ATP12A: variants seen among roughly 807,000 people sequenced by gnomAD.
ATP12A encodes potassium-transporting ATPase alpha chain 2.
ATP12A carries 81 observed loss-of-function variants against 111.2 expected under a neutral mutation model. The observed-to-expected ratio is 0.73, with a 90% CI of 0.61 to 0.88. The LOEUF (loss-of-function observed/expected upper bound fraction) is 0.88, where lower values mean the gene tolerates loss of function less well. Ranked by LOEUF, ATP12A falls within the 40% of genes least tolerant of loss-of-function variation. The pLI is 0.00. For synonymous variants in ATP12A, 498 were observed against 499.8 expected, an observed-to-expected ratio of 1.00 and a Z score of 0.05; for missense variants, 1,196 against 1,313.1, an observed-to-expected ratio of 0.91 and a Z score of 1.38.
chr13:24,710,312 A>C, intron 19 of ATP12A, 148 bp from the exon 20 acceptor site: 1 of 988,730 alleles, frequency 1.0e-6, no homozygotes. Flanking sequence ...CAAGAAAGAA[A>C]AATGTTTCTT....
intron 2 of ATP12A, among the ~76,000 whole-genome samples, chr13:24,683,955 G>A (rs565418778): frequency 2.0e-5 from 3 of 152,072 alleles, no homozygotes; most frequent in Non-Finnish European, 4.4e-5. Context: ...GAAGTATCCC[G>A]GCCTTTGAAT....
At chr13:24,695,036 T>A (rs1875081364) in intron 11 of ATP12A, among the ~76,000 whole-genome samples, 1 of 152,182 alleles carries the variant, frequency 6.6e-6, no homozygotes, top group African/African-American at 2.4e-5. Context: ...TTGTTCCATG[T>A]TCGCATCCGG....
chr13:24,682,559 C>T (rs8002900), intron 2 of ATP12A, among the ~76,000 whole-genome samples: 4 of 152,082 alleles, frequency 2.6e-5, no homozygotes, highest in Admixed American at 2.0e-4. Context: ...TCTCTCCCCG[C>T]AGCTGCTTCA....
intron 11 of ATP12A, among the ~76,000 whole-genome samples, chr13:24,695,020 G>A (rs9553424): frequency 0.24 from 37,232 of 152,104 alleles, 4,925 homozygotes; most frequent in East Asian, 0.47. Context: ...CTCGACCTAC[G>A]TGGCCTTGTT....
Position 24,700,760 on chromosome 13 carries a change from C to T in ATP12A, c.1719C>T (p.Leu573=). The change falls in exon 13 of 23, where the codon CTC becomes CTT. Residue 573 remains leucine (L), a synonymous_variant. Transcript: ENST00000381946. ...LGERVLGFCH[L]YLPADEFPET... is the part of the protein sequence containing the mutation. ...TCTGTATTACAGGTTTCTGTCATCT[C>T]TACCTGCCAGCAGACGAGTTTCCAG... The T allele has an allele frequency of 6.2e-7, 1 of 1,613,836 alleles. No homozygotes were observed. Among genetic ancestry groups the T allele is most frequent in the Non-Finnish European group, 8.5e-7 (1 of 1,179,806 alleles).
Position 24,706,373 on chromosome 13 carries a change from G to A in ATP12A, c.2079G>A (p.Leu693=), listed in dbSNP as rs1162513927. Residue 693 remains leucine (L), a synonymous_variant, in exon 15 of 23, where the codon CTG becomes CTA. Transcript: ENST00000381946. ...TGAAGGACATGAGCTCAGAACAGCT[G>A]GATGAGATCTTAGCCAACTACCAGG... ...MELKDMSSEQ[L]DEILANYQEI... is the part of the protein sequence containing the mutation. The A allele has an allele frequency of 6.2e-7, 1 of 1,614,116 alleles. No homozygotes were observed. Among genetic ancestry groups the A allele is most frequent in the East Asian group, 2.2e-5 (1 of 44,902 alleles).
chr13:24,710,943 G>T, intron 21 of ATP12A, 50 bp downstream of exon 21: 1 of 1,529,850 alleles, frequency 6.5e-7, no homozygotes. Flanking sequence ...TCTGCTTTGA[G>T]CTGTCGCAGC....
rs1875704383 is a variant in ATP12A, at chr13:24,707,187, G to A, written c.2334G>A (p.Glu778=). 6.2e-7 allele frequency: 1 copy of A among 1,613,650 alleles called. No homozygotes were observed. Among genetic ancestry groups the A allele is most frequent in the African/African-American group, 1.3e-5 (1 of 75,054 alleles). ...DNFASIVTGV[E]EGRLIFDNLK... ...TCGCATCCATCGTCACAGGGGTGGA[G>A]GAAGGTGAGTGAGTCTCAGGGGGTC... Residue 778 remains glutamate (E), a synonymous_variant, in exon 16 of 23, where the codon GAG becomes GAA. Coordinates refer to ENST00000381946, the MANE Select transcript of ATP12A (RefSeq NM_001676.7).
In ATP12A at chr13:24,690,614, C is replaced by G. The variant is rs267603785; in HGVS notation, c.692C>G (p.Ser231Ter). Residue 231 changes from serine to a stop codon, truncating the protein, a stop_gained, in exon 7 of 23, where the codon TCA becomes TGA. Coordinates refer to ENST00000381946, the MANE Select transcript of ATP12A (RefSeq NM_001676.7). LOFTEE classifies it high-confidence loss of function. Reference sequence around the variant, plus strand: ...CAACATTTCTTCTAGGTGGATAACTCATCTCTCACGGGGGAGTCTGAGCCC... The same window carrying G: ...CAACATTTCTTCTAGGTGGATAACTGATCTCTCACGGGGGAGTCTGAGCCC... ...LSSQGCRVDN[S>*]SLTGESEPQP... is the part of the protein sequence containing the mutation. 2 of 1,611,578 alleles carry G rather than the reference C, an allele frequency of 1.2e-6. No individual in the cohort carries two copies. The highest frequency in any genetic ancestry group is 1.7e-5 in the Admixed American group (1 of 59,518).
chr13:24,704,998 CTTTTG>C (rs769625215), intron 14 of ATP12A, among the ~76,000 whole-genome samples: 4 of 152,182 alleles, frequency 2.6e-5, no homozygotes, highest in East Asian at 3.9e-4. Flanking sequence ...CTCTTACTTT[CTTTTG>C]TTTTGTTTTG....
At position 24,680,644 on chromosome 13, in the gene ATP12A, G is replaced by A; in HGVS notation, c.-100G>A. The A allele has an allele frequency of 7.2e-7, 1 of 1,395,544 alleles. No homozygotes were observed. Among genetic ancestry groups the A allele is most frequent in the South Asian group, 1.3e-5 (1 of 77,794 alleles). 86.4% of individuals were successfully genotyped at this position (1,395,544 alleles called of 1,614,324 possible). ...CTCCACCGCCAACACCTCAGCCACTGCCACTGCCACAGCCACACGAGGCCC... is the reference window on the plus strand; with the variant it reads ...CTCCACCGCCAACACCTCAGCCACTACCACTGCCACAGCCACACGAGGCCC... On this transcript the variant is annotated 5_prime_UTR_variant, in exon 1 of 23. Coordinates refer to ENST00000381946, the MANE Select transcript of ATP12A (RefSeq NM_001676.7).
intron 19 of ATP12A, 141 bp downstream of exon 19, chr13:24,709,969 A>G: frequency 7.7e-7 from 1 of 1,292,850 alleles, no homozygotes; most frequent in Non-Finnish European, 1.1e-6. Flanking sequence ...CCTTGCTGAC[A>G]CGTGTTTGGC....
chr13:24,711,854 GC>G lies in ATP12A; in HGVS notation c.*334del. ...TTGTGTAACCCAGGCATCTACTGGG[GC>G]CTGCCTTAAGCTCTAGCTAGGATTG... On this transcript the variant is annotated 3_prime_UTR_variant, in exon 23 of 23. Transcript: ENST00000381946. 1 of 384,332 alleles carries G rather than the reference GC, an allele frequency of 2.6e-6. No individual in the cohort carries two copies. The allele number at this position is 384,332 out of a possible 1,614,324, so 23.8% of individuals were successfully genotyped here.
At chr13:24,702,465 T>G (rs1438008292) in intron 14 of ATP12A, among the ~76,000 whole-genome samples, 1 of 152,266 alleles carries the variant, frequency 6.6e-6, no homozygotes, top group Non-Finnish European at 1.5e-5. Context: ...CCCTCCTTGG[T>G]AAGCATCTTG....
chr13:24,709,088 C>T (rs971723034), intron 17 of ATP12A, among the ~76,000 whole-genome samples: 1 of 152,270 alleles, frequency 6.6e-6, no homozygotes, highest in South Asian at 2.1e-4. Flanking sequence ...AGGGAGAGGA[C>T]GGCACAAGAA....
At chr13:24,708,969 G>GGAAGAAAGAAAGAAAGAA (rs1875832456) in intron 17 of ATP12A, among the ~76,000 whole-genome samples, 3 of 146,348 alleles carry the variant, frequency 2.0e-5, no homozygotes, top group Non-Finnish European at 1.5e-5. Context: ...AAGAAGGAAA[G>GGAAGAAAGAAAGAAAGAA]AGAAAGAGAA....
In ATP12A at chr13:24,687,276, C is replaced by T. The variant is rs375744081; in HGVS notation, c.229-1043C>T. 1.0e-3 allele frequency among the ~76,000 whole-genome samples: 154 copies of T among 152,232 alleles called. 1 individual carries two copies. In the South Asian group the frequency reaches 0.014, roughly 13 times the overall value. On this transcript the variant is annotated intron_variant, in intron 3 of 22. Coordinates refer to ENST00000381946, the MANE Select transcript of ATP12A (RefSeq NM_001676.7). ...AGGAGTTCGAAACCAGCCTGGCCAA[C>T]GTGGTGAAACCCTGTCTCTACTAAA...
At chr13:24,708,960 A>AGAAAG (rs1491180845) in intron 17 of ATP12A, among the ~76,000 whole-genome samples, 1 of 126,432 alleles carries the variant, frequency 7.9e-6, no homozygotes, top group Non-Finnish European at 1.8e-5. Flanking sequence ...AAAGAAAGAA[A>AGAAAG]GAAGGAAAGA....
chr13:24,705,662 G>A (rs1240751654), intron 14 of ATP12A, among the ~76,000 whole-genome samples: 1 of 151,974 alleles, frequency 6.6e-6, no homozygotes, highest in Admixed American at 6.6e-5. Flanking sequence ...AGGCAGTTTG[G>A]GGGTTTTATT....
Sources: allele counts gnomAD v4.1 joint callset (sites outside exome capture counted in the v4.1 genomes callset), GRCh38; gene constraint gnomAD v4.1.1; transcripts MANE v1.5; gene names NCBI Gene and HGNC (gene_info 2026-07-23, HGNC 2026-07-21).